SNTG1: variants seen among roughly 807,000 people sequenced by gnomAD.
The protein encoded by SNTG1 is syntrophin gamma 1.
Under a neutral mutation model 74.7 loss-of-function variants are expected in SNTG1, and 39 were observed. The observed-to-expected ratio is 0.52, with a 90% CI of 0.40 to 0.68. The LOEUF (loss-of-function observed/expected upper bound fraction) is 0.68, where lower values mean the gene tolerates loss of function less well. Among genes scored for constraint, SNTG1 ranks in the 30% least tolerant of loss-of-function variants. SNTG1 has a pLI of 0.00. For synonymous variants in SNTG1, 254 were observed against 217.1 expected (o/e 1.17, Z -1.49); for missense variants, 685 against 609.5 (o/e 1.12, Z -1.30).
At chr8:50,542,706 A>G (rs2094357168) in intron 11 of SNTG1, among the ~76,000 whole-genome samples, 1 of 152,190 alleles carries the variant, frequency 6.6e-6, no homozygotes, top group Non-Finnish European at 1.5e-5. Context: ...TTACATTTTC[A>G]CCAACAGTGC....
intron 3 of SNTG1, among the ~76,000 whole-genome samples, chr8:50,401,717 G>T (rs539201068): frequency 6.6e-6 from 1 of 152,168 alleles, no homozygotes; most frequent in South Asian, 2.1e-4. Context: ...GGGGCAGTGG[G>T]AGGGGAAATG....
At chr8:50,202,943 C>G (rs1053591249) in intron 2 of SNTG1, among the ~76,000 whole-genome samples, 1 of 151,796 alleles carries the variant, frequency 6.6e-6, no homozygotes, top group African/African-American at 2.4e-5. Flanking sequence ...ATGACTATTA[C>G]TTCAAATATT....
chr8:50,091,971 G>A (rs1439808212), intron 1 of SNTG1, among the ~76,000 whole-genome samples: 2 of 151,912 alleles, frequency 1.3e-5, no homozygotes, highest in African/African-American at 4.8e-5. Context: ...ACCTGGGAAC[G>A]CCCAGTCTAA....
intron 2 of SNTG1, among the ~76,000 whole-genome samples, chr8:50,276,464 C>T (rs2088119044): frequency 6.7e-6 from 1 of 150,326 alleles, no homozygotes; most frequent in African/African-American, 2.5e-5. Flanking sequence ...CTTTAATCTT[C>T]CTTTTGTAAT....
intron 1 of SNTG1, among the ~76,000 whole-genome samples, chr8:49,973,794 A>G (rs986066962): frequency 6.6e-6 from 1 of 152,206 alleles, no homozygotes; most frequent in Non-Finnish European, 1.5e-5. Flanking sequence ...AAAAATGAAA[A>G]CAACAATGAT....
At chr8:50,027,669 C>A (rs1374714399) in intron 1 of SNTG1, among the ~76,000 whole-genome samples, 1 of 152,162 alleles carries the variant, frequency 6.6e-6, no homozygotes, top group Non-Finnish European at 1.5e-5. Flanking sequence ...TGATTCTAGA[C>A]TTTTAGCCTT....
intron 2 of SNTG1, among the ~76,000 whole-genome samples, chr8:50,353,409 A>G (rs2091727529): frequency 6.6e-6 from 1 of 152,146 alleles, no homozygotes; most frequent in African/African-American, 2.4e-5. Flanking sequence ...TATAATAATA[A>G]AAAAAAGAAC....
chr8:50,221,624 A>T (rs1192547326), intron 2 of SNTG1, among the ~76,000 whole-genome samples: 1 of 152,074 alleles, frequency 6.6e-6, no homozygotes, highest in Non-Finnish European at 1.5e-5. Flanking sequence ...ATCTGGTAGA[A>T]GATTGCAGTA....
chr8:50,637,745 T>A (rs2095048243), intron 13 of SNTG1, among the ~76,000 whole-genome samples: 1 of 152,152 alleles, frequency 6.6e-6, no homozygotes, highest in Non-Finnish European at 1.5e-5. Flanking sequence ...TTTAAATTAG[T>A]CATATCAATA....
chr8:50,280,985 C>CAAAAAAAAAAAAAAAAAAAAAAAAA (rs35973666), intron 2 of SNTG1, among the ~76,000 whole-genome samples: 4 of 75,462 alleles, frequency 5.3e-5, no homozygotes, highest in Non-Finnish European at 7.7e-5. Flanking sequence ...AACCCAGTCT[C>CAAAAAAAAAAAAAAAAAAAAAAAAA]AAAAAAAAAA....
chr8:50,388,366 G>C lies in SNTG1; in HGVS notation c.-27-5846G>C, dbSNP rs372423820. Among the ~76,000 whole-genome samples, 17 of 152,234 alleles carry C rather than the reference G, an allele frequency of 1.1e-4. No homozygotes were observed. The East Asian group carries it at 3.3e-3, about 29-fold the overall frequency. On this transcript the variant is annotated intron_variant, in intron 2 of 18. Transcript: ENST00000642720. ...GTAGTATTCAGTGGTGATATTGTGT[G>C]TATCTCTATTGCCTCTTTGTGCCAT...
Position 50,107,860 on chromosome 8 carries a change from G to T in SNTG1, c.-102-64701G>T, listed in dbSNP as rs533155734. On this transcript the variant is annotated intron_variant, in intron 1 of 18. Coordinates refer to ENST00000642720, the MANE Select transcript of SNTG1 (RefSeq NM_018967.5). ...ACCACCATGCCTGGCTAGAAATCAA[G>T]ATTTTTAACAAGAGCGAATCACTAA... 2.0e-5 allele frequency among the ~76,000 whole-genome samples: 3 copies of T among 152,176 alleles called. No homozygotes were observed. The East Asian group carries it at 5.8e-4, about 29-fold the overall frequency.
intron 2 of SNTG1, among the ~76,000 whole-genome samples, chr8:50,381,425 A>G (rs892050597): frequency 6.6e-6 from 1 of 151,276 alleles, no homozygotes; most frequent in African/African-American, 2.4e-5. Context: ...GTAATATGGG[A>G]AGATGAATGT....
intron 10 of SNTG1, among the ~76,000 whole-genome samples, chr8:50,533,563 T>A (rs573193965): frequency 4.0e-4 from 61 of 151,688 alleles, no homozygotes; most frequent in Middle Eastern, 6.8e-3. Context: ...CAAAAATAAA[T>A]AAACTACTAT....
intron 13 of SNTG1, among the ~76,000 whole-genome samples, chr8:50,592,461 A>G (rs910480707): frequency 6.6e-6 from 1 of 152,218 alleles, no homozygotes; most frequent in Non-Finnish European, 1.5e-5. Flanking sequence ...GTAATCAATG[A>G]CAACTACAGC....
chr8:50,682,672 G>A (rs938496950), intron 15 of SNTG1, among the ~76,000 whole-genome samples: 2 of 151,944 alleles, frequency 1.3e-5, no homozygotes, highest in African/African-American at 2.4e-5. Flanking sequence ...TTTGACCTTT[G>A]CCTCCTATCA....
intron 17 of SNTG1, among the ~76,000 whole-genome samples, chr8:50,731,777 T>C (rs780700747): frequency 6.6e-6 from 1 of 152,140 alleles, no homozygotes; most frequent in Non-Finnish European, 1.5e-5. Context: ...ATCAGAATCT[T>C]AGGAACAAAA....
At chr8:50,470,461 C>A (rs2093642935) in intron 8 of SNTG1, among the ~76,000 whole-genome samples, 1 of 152,078 alleles carries the variant, frequency 6.6e-6, no homozygotes, top group African/African-American at 2.4e-5. Context: ...GGAGTTTCTT[C>A]CTTCTGGTGG....
At chr8:50,438,246 G>A (rs2093324639) in intron 4 of SNTG1, among the ~76,000 whole-genome samples, 1 of 152,010 alleles carries the variant, frequency 6.6e-6, no homozygotes, top group African/African-American at 2.4e-5. Flanking sequence ...AATAAGAAGA[G>A]GTATAAAAGT....
Sources: gnomAD v4.1 joint callset for allele counts (sites outside exome capture counted in the v4.1 genomes callset) on GRCh38, gnomAD v4.1.1 for gene constraint, MANE v1.5 for transcripts, NCBI Gene and HGNC (gene_info 2026-07-23, HGNC 2026-07-21) for gene names.